STXBP5L: variants seen among roughly 807,000 people sequenced by gnomAD.
The protein encoded by STXBP5L is syntaxin-binding protein 5-like.
STXBP5L carries 65 observed loss-of-function variants against 144.5 expected under a neutral mutation model. That is an observed-to-expected ratio of 0.45 (90% CI 0.37 to 0.55). STXBP5L has a LOEUF of 0.55. STXBP5L is among the 20% of genes least tolerant of loss of function. The probability of loss-of-function intolerance (pLI) is 0.00; values close to 1 mark genes in which losing one functional copy is unlikely to be tolerated. For synonymous variants in STXBP5L, 505 were observed against 469.6 expected (o/e 1.08, Z -0.97); for missense variants, 1,298 against 1,405.5 (o/e 0.92, Z 1.22).
chr3:121,418,960 TGAGA>T (rs1308098423), intron 26 of STXBP5L, 92 bp from the exon 27 acceptor site: 1 of 1,281,344 alleles, frequency 7.8e-7, no homozygotes, highest in Non-Finnish European at 1.1e-6. Context: ...TTATAAGTTT[TGAGA>T]TAGATTTGCA....
chr3:121,185,823 A>G (rs943231449), intron 9 of STXBP5L, among the ~76,000 whole-genome samples: 1 of 152,138 alleles, frequency 6.6e-6, no homozygotes, highest in Non-Finnish European at 1.5e-5. Context: ...GTTTTTTCCA[A>G]TTCTGTGAAG....
intron 19 of STXBP5L, among the ~76,000 whole-genome samples, chr3:121,306,842 T>G (rs1020994564): frequency 1.3e-5 from 2 of 152,126 alleles, no homozygotes; most frequent in African/African-American, 4.8e-5. Flanking sequence ...TACTGTACAA[T>G]GTATGTCCCA....
At chr3:120,960,923 A>T (rs1487168752) in intron 3 of STXBP5L, among the ~76,000 whole-genome samples, 1 of 151,882 alleles carries the variant, frequency 6.6e-6, no homozygotes, top group Admixed American at 6.6e-5. Flanking sequence ...AAAAAAAGGA[A>T]TTCAGCCATG....
At chr3:121,045,127 A>AT (rs548093268) in intron 4 of STXBP5L, among the ~76,000 whole-genome samples, 3 of 152,000 alleles carry the variant, frequency 2.0e-5, no homozygotes, top group East Asian at 1.9e-4. Context: ...TCCCTAAACT[A>AT]TTTTTTCCCA....
At chr3:121,043,269 T>G (rs533071298) in intron 4 of STXBP5L, among the ~76,000 whole-genome samples, 1 of 152,258 alleles carries the variant, frequency 6.6e-6, no homozygotes, top group South Asian at 2.1e-4. Context: ...TATAGTGCTT[T>G]TGGTAGGTTC....
intron 5 of STXBP5L, among the ~76,000 whole-genome samples, chr3:121,109,326 G>T (rs1035903007): frequency 6.6e-6 from 1 of 151,698 alleles, no homozygotes; most frequent in Admixed American, 6.6e-5. Flanking sequence ...TTATGGTGCC[G>T]ATTTGAGATC....
intron 20 of STXBP5L, among the ~76,000 whole-genome samples, chr3:121,359,056 A>G (rs2045621088): frequency 1.3e-5 from 2 of 151,952 alleles, no homozygotes; most frequent in Admixed American, 6.6e-5. Context: ...CAGTTTTGCT[A>G]TTTCATATTC....
chr3:120,994,455 A>G (rs1455529735), intron 3 of STXBP5L, among the ~76,000 whole-genome samples: 1 of 152,060 alleles, frequency 6.6e-6, no homozygotes, highest in African/African-American at 2.4e-5. Context: ...ATGTTAAGGT[A>G]TGTTTCTTCA....
At chr3:121,158,826 T>C (rs1260693735) in intron 9 of STXBP5L, 1 of 152,176 alleles carries the variant, frequency 6.6e-6, no homozygotes, top group Non-Finnish European at 1.5e-5. Flanking sequence ...CAAATATCAG[T>C]TTCTATTAGT....
rs554946316 is a variant in STXBP5L, at chr3:121,284,937, A to C, written c.2110+4981A>C. On this transcript the variant is annotated intron_variant, in intron 19 of 26. Transcript: ENST00000471454. Reference sequence around the variant, plus strand: ...ATTATGAAAAGGGATTGATTCTTTAACCACTCAAAGGCATATCCTACAATT... The same window carrying C: ...ATTATGAAAAGGGATTGATTCTTTACCCACTCAAAGGCATATCCTACAATT... Among the ~76,000 whole-genome samples, 3 of 152,234 alleles carry C rather than the reference A, an allele frequency of 2.0e-5. No individual in the cohort carries two copies. The South Asian group carries it at 6.2e-4, about 32-fold the overall frequency.
At chr3:121,029,407 C>T (rs960684239) in intron 3 of STXBP5L, among the ~76,000 whole-genome samples, 1 of 151,982 alleles carries the variant, frequency 6.6e-6, no homozygotes. Context: ...CTTTGACAAA[C>T]CTGACAAAAA....
chr3:120,995,465 T>G (rs1943266618), intron 3 of STXBP5L, among the ~76,000 whole-genome samples: 1 of 152,224 alleles, frequency 6.6e-6, no homozygotes, highest in South Asian at 2.1e-4. Flanking sequence ...GTTTTTCTTG[T>G]TCTTCTGTTT....
chr3:120,963,262 T>C (rs1302765781), intron 3 of STXBP5L, among the ~76,000 whole-genome samples: 1 of 152,210 alleles, frequency 6.6e-6, no homozygotes, highest in Non-Finnish European at 1.5e-5. Flanking sequence ...TTGAATGCCC[T>C]TTATTTCTTT....
intron 2 of STXBP5L, among the ~76,000 whole-genome samples, chr3:120,920,391 T>G (rs559456627): frequency 1.3e-5 from 2 of 151,762 alleles, no homozygotes; most frequent in Non-Finnish European, 3.0e-5. Flanking sequence ...GATGCACATA[T>G]TTTTGGGGTA....
intron 5 of STXBP5L, among the ~76,000 whole-genome samples, chr3:121,063,940 G>T (rs936250583): frequency 3.9e-5 from 6 of 152,030 alleles, no homozygotes; most frequent in Non-Finnish European, 2.9e-5. Flanking sequence ...GTGGGGTTGG[G>T]GTCCACTGAG....
chr3:121,233,824 A>G (rs1488424514), intron 12 of STXBP5L, 136 bp downstream of exon 12: 7 of 646,264 alleles, frequency 1.1e-5, no homozygotes, highest in Admixed American at 3.7e-5. Flanking sequence ...CTTTGGTTCA[A>G]TGGTGAAAAT....
At chr3:120,908,483 G>A (rs1708647759) in intron 1 of STXBP5L, 149 bp downstream of exon 1, 1 of 158,558 alleles carries the variant, frequency 6.3e-6, no homozygotes, top group African/African-American at 2.4e-5. Flanking sequence ...CAGAGACAGA[G>A]AGCGAGCGCA....
At chr3:121,354,870 C>G (rs2045444174) in intron 20 of STXBP5L, among the ~76,000 whole-genome samples, 1 of 152,090 alleles carries the variant, frequency 6.6e-6, no homozygotes, top group Non-Finnish European at 1.5e-5. Flanking sequence ...TTCAGGAGCT[C>G]TTGTAAGGCA....
At chr3:121,338,321 AAAG>A (rs2044577987) in intron 20 of STXBP5L, among the ~76,000 whole-genome samples, 1 of 152,154 alleles carries the variant, frequency 6.6e-6, no homozygotes, top group African/African-American at 2.4e-5. Context: ...TTAACCAAGA[AAAG>A]AAGAATCAAA....
Sources: gnomAD v4.1 joint callset for allele counts (sites outside exome capture counted in the v4.1 genomes callset) on GRCh38, gnomAD v4.1.1 for gene constraint, MANE v1.5 for transcripts, NCBI Gene and HGNC (gene_info 2026-07-23, HGNC 2026-07-21) for gene names.